The following TADA2A variants were observed in gnomAD, a reference collection of about 807,000 sequenced individuals.
The protein encoded by TADA2A is transcriptional adaptor 2A.
A neutral mutation model predicts 67.4 loss-of-function variants in TADA2A; 38 were observed. The ratio of observed to expected loss-of-function variants is 0.56; its 90% CI spans 0.44 to 0.74. TADA2A has a LOEUF of 0.74. TADA2A is among the 30% of genes least tolerant of loss of function. TADA2A has a pLI of 0.00. For synonymous variants in TADA2A, 192 were observed against 181.6 expected (o/e 1.06, Z -0.46); for missense variants, 454 against 547.0 (o/e 0.83, Z 1.70).
rs2053921814 is a variant in TADA2A, at chr17:37,477,914, G to A, written c.*932G>A. On this transcript the variant is annotated 3_prime_UTR_variant, in exon 16 of 16. Transcript: ENST00000615182. ...AGGTGGGCGGATCACGAAGTCAGGA[G>A]TTCAAGACCAGCCTGACCAACATGG... 1 of 151,966 alleles carries A rather than the reference G, an allele frequency of 6.6e-6. No individual in the cohort carries two copies. The highest frequency in any genetic ancestry group is 1.5e-5 in the Non-Finnish European group (1 of 68,016). 9.4% of individuals were successfully genotyped at this position (151,966 alleles called of 1,614,324 possible).
intron 11 of TADA2A, 168 bp downstream of exon 11, chr17:37,465,709 G>T: frequency 2.4e-6 from 3 of 1,276,238 alleles, no homozygotes; most frequent in South Asian, 3.1e-5. Flanking sequence ...GGTGGCAGAA[G>T]AGAGGTTAAA....
rs1487397604 is a variant in TADA2A at position 37,458,570 on chromosome 17, G to C, written c.651G>C (p.Glu217Asp). 21 of 1,612,976 alleles carry C rather than the reference G, an allele frequency of 1.3e-5. No individual in the cohort carries two copies. Among genetic ancestry groups the C allele is most frequent in the Non-Finnish European group, 1.7e-5 (20 of 1,179,556 alleles). The stretch of plus-strand genomic sequence containing the variant: ...ATATCTATCATTCCAGGTTAAAGGA[G>C]AGACAAAGACGAAAAAAGTAAGTAT... ...VVDIYHSRLK[E>D]RQRRKKIIRD... The change falls in exon 9 of 16, where the codon GAG (glutamate) becomes GAC (aspartate). Residue 217 changes from glutamate to aspartate, a missense_variant. Around this residue, in one of 2 missense-constraint regions of TADA2A, gnomAD observed 403 missense variants for 455.5 expected, o/e 0.88. Coordinates refer to ENST00000615182, the MANE Select transcript of TADA2A (RefSeq NM_001166105.3).
Position 37,471,137 on chromosome 17 carries a change from G to C in TADA2A, c.1072G>C (p.Gly358Arg). The C allele has an allele frequency of 1.2e-6, 2 of 1,614,006 alleles. No homozygotes were observed. Among genetic ancestry groups the C allele is most frequent in the Non-Finnish European group, 1.7e-6 (2 of 1,179,960 alleles). Residue 358 changes from glycine to arginine, a missense_variant and splice_region_variant, in exon 14 of 16, where the codon GGT (glycine) becomes CGT (arginine). Coordinates refer to ENST00000615182, the MANE Select transcript of TADA2A (RefSeq NM_001166105.3). ...SPSIPMASNS[G>R]RRSAPPLNLT... ...TTCCATTCCAATGGCTTCGAATTCA[G>C]GTAATTATTTCTCAGGCCAGAACAA... is the stretch of plus-strand genomic sequence containing the variant.
At chr17:37,424,624 T>C (rs2042844686) in intron 3 of TADA2A, among the ~76,000 whole-genome samples, 1 of 152,138 alleles carries the variant, frequency 6.6e-6, no homozygotes, top group African/African-American at 2.4e-5. Context: ...TGGTGTGATC[T>C]TGGCTCACCG....
At chr17:37,435,877 G>C (rs1325276689) in intron 4 of TADA2A, among the ~76,000 whole-genome samples, 2 of 151,940 alleles carry the variant, frequency 1.3e-5, no homozygotes, top group African/African-American at 4.8e-5. Flanking sequence ...AACACTCCCA[G>C]CTAATTTTTG....
At chr17:37,451,637 A>G (rs1266055064) in intron 8 of TADA2A, among the ~76,000 whole-genome samples, 1 of 152,060 alleles carries the variant, frequency 6.6e-6, no homozygotes, top group Non-Finnish European at 1.5e-5. Flanking sequence ...TAAAAATTAA[A>G]TCACTCCTAC....
intron 7 of TADA2A, among the ~76,000 whole-genome samples, chr17:37,443,945 A>G (rs1390436905): frequency 2.6e-5 from 4 of 152,170 alleles, no homozygotes; most frequent in African/African-American, 7.2e-5. Flanking sequence ...CACAACTTGA[A>G]AGATAGTTTG....
intron 4 of TADA2A, among the ~76,000 whole-genome samples, chr17:37,433,605 G>A (rs929101143): frequency 7.2e-5 from 11 of 152,030 alleles, no homozygotes; most frequent in African/African-American, 2.4e-4. Flanking sequence ...GCTACAGTGA[G>A]CCATGATCAC....
chr17:37,414,956 G>A (rs747024515), intron 2 of TADA2A, among the ~76,000 whole-genome samples: 21 of 149,814 alleles, frequency 1.4e-4, no homozygotes, highest in Non-Finnish European at 2.7e-4. Context: ...GCAGTGCCAC[G>A]ATCTCAGCTT....
intron 4 of TADA2A, among the ~76,000 whole-genome samples, chr17:37,429,045 C>A (rs868581978): frequency 8.6e-3 from 934 of 108,614 alleles, no homozygotes; most frequent in East Asian, 0.011. Context: ...GACTCCGTCT[C>A]AAAAAAAAAA....
At chr17:37,445,300 C>CTGT (rs2053044030) in intron 8 of TADA2A, among the ~76,000 whole-genome samples, 2 of 152,214 alleles carry the variant, frequency 1.3e-5, no homozygotes, top group African/African-American at 2.4e-5. Context: ...GAGTCTCACT[C>CTGT]TGTTACACAG....
chr17:37,457,827 A>G (rs1417148598), intron 8 of TADA2A, among the ~76,000 whole-genome samples: 4 of 152,040 alleles, frequency 2.6e-5, no homozygotes, highest in Non-Finnish European at 5.9e-5. Context: ...CTCTGATGCA[A>G]TTTCTAGCCC....
rs750951200 is a variant in TADA2A at position 37,467,436 on chromosome 17, TCCTTTTGGGGAA to T, written c.824-17_824-6del. ...TTGTTTTTGTAATTTTTTCCTTCAT[TCCTTTTGGGGAA>T]AACAGTGGAATTTGAACTCCGAAGG... On this transcript the variant is annotated splice_polypyrimidine_tract_variant and splice_region_variant and intron_variant, in intron 11 of 15. Coordinates refer to ENST00000615182, the MANE Select transcript of TADA2A (RefSeq NM_001166105.3). 2 of 1,610,284 alleles carry T rather than the reference TCCTTTTGGGGAA, an allele frequency of 1.2e-6. No individual in the cohort carries two copies. The highest frequency in any genetic ancestry group is 2.7e-5 in the African/African-American group (2 of 74,792).
At position 37,441,976 on chromosome 17, in the gene TADA2A, A is replaced by G. The variant is rs181362091; in HGVS notation, c.443-588A>G. On this transcript the variant is annotated intron_variant, in intron 6 of 15. Transcript: ENST00000615182. The stretch of plus-strand genomic sequence containing the variant: ...CCACCGTGCCTGGTTGATACCTCCT[A>G]TTTGGATAGCACTTTGGTGTTAGCA... Among the ~76,000 whole-genome samples the G allele has an allele frequency of 3.6e-3, 543 of 152,088 alleles. 15 individuals are homozygous for G. Among genetic ancestry groups the G allele is most frequent in the Admixed American group, 0.034 (521 of 15,254 alleles).
chr17:37,468,566 T>TA (rs2053717000), intron 12 of TADA2A, among the ~76,000 whole-genome samples: 1 of 151,876 alleles, frequency 6.6e-6, no homozygotes, highest in African/African-American at 2.4e-5. Context: ...TGACTCTTGC[T>TA]ATGTTGCCCA....
chr17:37,468,851 TTTGTGATTATTGATAG>T (rs1457275309), intron 12 of TADA2A, among the ~76,000 whole-genome samples: 1 of 152,162 alleles, frequency 6.6e-6, no homozygotes, highest in East Asian at 1.9e-4. Flanking sequence ...ATTTGAAGTT[TTTGTGATTATTGATAG>T]TTGTCACCTA....
chr17:37,421,838 A>G (rs2052241568), intron 2 of TADA2A, among the ~76,000 whole-genome samples: 1 of 147,430 alleles, frequency 6.8e-6, no homozygotes, highest in South Asian at 2.2e-4. Context: ...TTTTATAGAA[A>G]AGTCAAAAGA....
intron 9 of TADA2A, 189 bp from the exon 10 acceptor site, chr17:37,461,889 T>A: frequency 1.9e-6 from 1 of 515,958 alleles, no homozygotes; most frequent in Non-Finnish European, 3.5e-6. Context: ...GAAAAACCCG[T>A]GATGCCTGAG....
chr17:37,426,825 A>G (rs2052424419), intron 3 of TADA2A, 125 bp from the exon 4 acceptor site: 1 of 792,788 alleles, frequency 1.3e-6, no homozygotes, highest in East Asian at 2.9e-5. Context: ...GGCCTGGGTG[A>G]CAGAACGAGA....
Sources: allele counts gnomAD v4.1 joint callset (sites outside exome capture counted in the v4.1 genomes callset), GRCh38; gene constraint gnomAD v4.1.1; regional missense constraint gnomAD v4.1.1; transcripts MANE v1.5; gene names NCBI Gene and HGNC (gene_info 2026-07-23, HGNC 2026-07-21).